The following TUBGCP3 variants were observed in gnomAD, a reference collection of about 807,000 sequenced individuals.
TUBGCP3 encodes the protein gamma-tubulin complex component 3.
Under a neutral mutation model 123.1 loss-of-function variants are expected in TUBGCP3, and 50 were observed. The ratio of observed to expected loss-of-function variants is 0.41; its 90% CI spans 0.32 to 0.51. The LOEUF is 0.51. TUBGCP3 is among the 20% of genes least tolerant of loss of function. The pLI is 0.36. For missense variants in TUBGCP3, 882 were observed against 1,127.0 expected, an observed-to-expected ratio of 0.78 and a Z score of 3.11; for synonymous variants, 405 against 413.9, an observed-to-expected ratio of 0.98 and a Z score of 0.26.
chr13:112,532,170 G>A (rs1696666043), intron 11 of TUBGCP3, among the ~76,000 whole-genome samples: 1 of 152,182 alleles, frequency 6.6e-6, no homozygotes, highest in Non-Finnish European at 1.5e-5. Context: ...CGGACCAGGG[G>A]AATGGGTAAA....
At chr13:112,526,660 C>G (rs111205992) in intron 13 of TUBGCP3, among the ~76,000 whole-genome samples, 1 of 151,248 alleles carries the variant, frequency 6.6e-6, no homozygotes, top group African/African-American at 2.4e-5. Flanking sequence ...CATCATCCAT[C>G]CCCAACATCA....
In TUBGCP3 at chr13:112,499,202, T is replaced by C; in HGVS notation, c.2308-17A>G. The C allele has an allele frequency of 6.3e-7, 1 of 1,591,612 alleles. No individual in the cohort carries two copies. Among genetic ancestry groups the C allele is most frequent in the African/African-American group, 1.4e-5 (1 of 73,820 alleles). ...TAAAAGTGCCTGAAAGAGATGACAA[T>C]GTTTTATGAATAGAGCCTCAACCAG... On this transcript the variant is annotated splice_polypyrimidine_tract_variant and intron_variant, in intron 19 of 21. Coordinates refer to ENST00000261965, the MANE Select transcript of TUBGCP3 (RefSeq NM_006322.6).
At chr13:112,553,617 C>G (rs1468006813) in intron 8 of TUBGCP3, among the ~76,000 whole-genome samples, 1 of 152,236 alleles carries the variant, frequency 6.6e-6, no homozygotes, top group Non-Finnish European at 1.5e-5. Flanking sequence ...GGATTCCCAT[C>G]TCCAGCTTCG....
At chr13:112,547,069 T>G (rs1020961684) in intron 10 of TUBGCP3, 1 of 186,976 alleles carries the variant, frequency 5.3e-6, no homozygotes, top group Non-Finnish European at 1.1e-5. Flanking sequence ...AGAAAAAATG[T>G]CAGAAAGCAA....
Position 112,513,725 on chromosome 13 carries a change from A to AAAACTAC in TUBGCP3, c.2086+2714_2086+2715insGTAGTTT, listed in dbSNP as rs369113147. On this transcript the variant is annotated intron_variant, in intron 17 of 21. Coordinates refer to ENST00000261965, the MANE Select transcript of TUBGCP3 (RefSeq NM_006322.6). ...GCTTGGCCATGAACTACTTTAAAAT[A>AAAACTAC]CTTCTTTATTAAAGGTAAGAACACT... Among the ~76,000 whole-genome samples, 493 of 152,342 alleles carry AAAACTAC rather than the reference A, an allele frequency of 3.2e-3. 3 individuals are homozygous for AAAACTAC. The highest frequency in any genetic ancestry group is 0.011 in the African/African-American group (467 of 41,572).
chr13:112,489,475 G>A (rs909783768), intron 21 of TUBGCP3, 106 bp downstream of exon 21: 12 of 820,820 alleles, frequency 1.5e-5, no homozygotes, highest in Non-Finnish European at 2.3e-5. Flanking sequence ...ACAAATAAGT[G>A]TCAGACTGAC....
intron 1 of TUBGCP3, 115 bp from the exon 2 acceptor site, chr13:112,569,374 A>G (rs1416469821): frequency 2.1e-5 from 17 of 817,470 alleles, no homozygotes; most frequent in African/African-American, 5.1e-5. Flanking sequence ...CACCTCCCCA[A>G]GGTCTTAACT....
intron 20 of TUBGCP3, among the ~76,000 whole-genome samples, chr13:112,497,519 C>T (rs1880604362): frequency 6.6e-6 from 1 of 152,210 alleles, no homozygotes; most frequent in Non-Finnish European, 1.5e-5. Context: ...GTAAAACTAA[C>T]CAAACTGTAT....
chr13:112,540,778 C>A (rs1322829319), intron 11 of TUBGCP3, among the ~76,000 whole-genome samples: 3 of 152,204 alleles, frequency 2.0e-5, no homozygotes, highest in Non-Finnish European at 4.4e-5. Context: ...TTAATTCTTG[C>A]AACTTTTCTA....
intron 1 of TUBGCP3, among the ~76,000 whole-genome samples, chr13:112,584,513 A>G (rs535383037): frequency 6.6e-6 from 1 of 152,350 alleles, no homozygotes; most frequent in Non-Finnish European, 1.5e-5. Flanking sequence ...AAAGCTCTTT[A>G]CCATTTTGGA....
Sources: gnomAD v4.1 joint callset for allele counts (sites outside exome capture counted in the v4.1 genomes callset) on GRCh38, gnomAD v4.1.1 for gene constraint, MANE v1.5 for transcripts, NCBI Gene and HGNC (gene_info 2026-07-23, HGNC 2026-07-21) for gene names.